ATP6V0E2: variants seen among roughly 807,000 people sequenced by gnomAD.
ATP6V0E2 encodes the protein V-type proton ATPase subunit e 2.
In ATP6V0E2, 4 loss-of-function variants were observed where a neutral mutation model predicts 11.5. The ratio of observed to expected loss-of-function variants is 0.35; its 90% CI spans 0.17 to 0.80. ATP6V0E2 has a LOEUF of 0.80. Among genes scored for constraint, ATP6V0E2 ranks in the 30% least tolerant of loss-of-function variants. The probability of loss-of-function intolerance (pLI) is 0.53; values close to 1 mark genes in which losing one functional copy is unlikely to be tolerated. For synonymous variants in ATP6V0E2, 52 were observed against 51.0 expected (o/e 1.02, Z -0.09); for missense variants, 93 against 113.5 (o/e 0.82, Z 0.82).
intron 1 of ATP6V0E2, chr7:149,874,529 G>T: frequency 4.4e-6 from 1 of 229,062 alleles, no homozygotes; most frequent in Non-Finnish European, 8.5e-6. Flanking sequence ...TGGGTAAAAT[G>T]GAGATAATGT....
chr7:149,876,610 A>G (rs1803158350), intron 2 of ATP6V0E2, among the ~76,000 whole-genome samples: 1 of 152,234 alleles, frequency 6.6e-6, no homozygotes, highest in South Asian at 2.1e-4. Context: ...CCCCGCATCC[A>G]TCCCAAACCT....
upstream of ATP6V0E2, chr7:149,873,926 T>TGCGCG: frequency 6.6e-7 from 1 of 1,525,960 alleles, no homozygotes; most frequent in Non-Finnish European, 8.8e-7. Flanking sequence ...GAGATGCGCG[T>TGCGCG]GCGCGGCCCG....
In ATP6V0E2 at chr7:149,877,174, C is replaced by A. The variant is rs527303389; in HGVS notation, c.153-1504C>A. On this transcript the variant is annotated intron_variant, in intron 2 of 3. Transcript: ENST00000425642. ...CCAAGGAGCTGGGATGACAGGTGCA[C>A]ACCATTGCACCCGGCTGTTAACTAA... Among the ~76,000 whole-genome samples the A allele has an allele frequency of 3.3e-5, 5 of 152,222 alleles. No homozygotes were observed. The East Asian group carries it at 7.7e-4, about 24-fold the overall frequency.
intron 2 of ATP6V0E2, 115 bp from the exon 3 acceptor site, chr7:149,878,563 A>G (rs1803275216): frequency 1.6e-5 from 13 of 824,828 alleles, no homozygotes; most frequent in Non-Finnish European, 2.4e-5. Context: ...CCCTGGGAAC[A>G]CAGGCCCTGC....
rs11334520 is a variant in ATP6V0E2 at position 149,877,563 on chromosome 7, C to CTTT, written c.153-1102_153-1100dup. 3.6e-3 allele frequency among the ~76,000 whole-genome samples: 503 copies of CTTT among 141,256 alleles called. 4 individuals carry two copies. Among genetic ancestry groups the CTTT allele is most frequent in the African/African-American group, 0.012 (441 of 37,806 alleles). The allele number at this position is 141,256 out of a possible 152,430, so 92.7% of individuals were successfully genotyped here. A position where few individuals can be genotyped will look rare whatever the true frequency, so the allele number is the denominator to read the frequency against. On this transcript the variant is annotated intron_variant, in intron 2 of 3. Transcript: ENST00000425642. ...TAACACATGGTTTAACTTAAACCCA[C>CTTT]TTTTTTTTTTTTTTTCAAAATTCTT...
Position 149,879,536 on chromosome 7 carries a change from C to CA in ATP6V0E2, c.*221_*222insA. The CA allele has an allele frequency of 6.4e-7, 1 of 1,561,798 alleles. No homozygotes were observed. Among genetic ancestry groups the CA allele is most frequent in the Non-Finnish European group, 8.7e-7 (1 of 1,154,660 alleles). On this transcript the variant is annotated 3_prime_UTR_variant, in exon 4 of 4. Coordinates refer to ENST00000425642, the MANE Select transcript of ATP6V0E2 (RefSeq NM_145230.4). ...CCCTGGGGAGCCCTGGGCACAGCAG[C>CA]GGCCGAGGGGATGTCCTGCTCCAAT... is the stretch of plus-strand genomic sequence containing the variant.
At chr7:149,874,257 C>G in intron 1 of ATP6V0E2, 88 bp downstream of exon 1, 1 of 1,440,598 alleles carries the variant, frequency 6.9e-7, no homozygotes, top group Non-Finnish European at 9.2e-7. Context: ...CGGCTTCCTG[C>G]TCTGCAGCGA....
intron 2 of ATP6V0E2, among the ~76,000 whole-genome samples, chr7:149,877,224 C>T (rs1803202806): frequency 6.6e-6 from 1 of 152,146 alleles, no homozygotes; most frequent in South Asian, 2.1e-4. Context: ...GGGTCTTACT[C>T]TGTTGCCCAG....
At chr7:149,879,197 G>A in intron 3 of ATP6V0E2, 138 bp from the exon 4 acceptor site, 1 of 1,400,644 alleles carries the variant, frequency 7.1e-7, no homozygotes, top group Non-Finnish European at 9.2e-7. Context: ...CCTAACCTGG[G>A]CCCTAACCTG....
In ATP6V0E2 at chr7:149,874,120, C is replaced by A. The variant is rs1309607398; in HGVS notation, c.55C>A (p.Leu19Ile). The change falls in exon 1 of 4, where the codon CTC becomes ATC. Residue 19 changes from leucine to isoleucine, a missense_variant. Coordinates refer to ENST00000425642, the MANE Select transcript of ATP6V0E2 (RefSeq NM_145230.4). The stretch of plus-strand genomic sequence containing the variant: ...CATCATCTTCACCACGTTCTGGGGC[C>A]TCGTCGGCATCGCCGGGCCCTGGTT... The part of the protein sequence containing the change: ...PVIIFTTFWG[L>I]VGIAGPWFVP... The A allele has an allele frequency of 1.9e-6, 3 of 1,549,952 alleles. No individual in the cohort carries two copies. The highest frequency in any genetic ancestry group is 2.0e-5 in the Admixed American group (1 of 50,996).
rs1341589096 is a variant in ATP6V0E2, at chr7:149,875,581, GTCC to G, written c.105-14_105-12del. 1 of 1,613,596 alleles carries G rather than the reference GTCC, an allele frequency of 6.2e-7. No homozygotes were observed. The highest frequency in any genetic ancestry group is 8.5e-7 in the Non-Finnish European group (1 of 1,179,796). On this transcript the variant is annotated splice_polypyrimidine_tract_variant and intron_variant, in intron 1 of 3. Transcript: ENST00000425642. ...GCTGGCTGCATTTGTTCTGACCCGT[GTCC>G]TCTTCTGCTGCAGAGTGATCATCAC...
At chr7:149,875,513 C>G in intron 1 of ATP6V0E2, 85 bp from the exon 2 acceptor site, 1 of 1,355,628 alleles carries the variant, frequency 7.4e-7, no homozygotes, top group Non-Finnish European at 1.1e-6. Flanking sequence ...GAGCTCACAC[C>G]AGGAGCTCTT....
intron 2 of ATP6V0E2, among the ~76,000 whole-genome samples, chr7:149,876,663 CA>C (rs984698789): frequency 2.6e-5 from 4 of 152,210 alleles, no homozygotes; most frequent in African/African-American, 9.6e-5. Context: ...GGCTGCCAAC[CA>C]AGAGATAAGT....
In ATP6V0E2 at chr7:149,879,630, T is replaced by G. The variant is rs1586104155; in HGVS notation, c.*315T>G. The G allele has an allele frequency of 6.8e-7, 1 of 1,463,704 alleles. No homozygotes were observed. The highest frequency in any genetic ancestry group is 9.0e-7 in the Non-Finnish European group (1 of 1,105,104). The allele number at this position is 1,463,704 out of a possible 1,614,324, so 90.7% of individuals were successfully genotyped here. A position where few individuals can be genotyped will look rare whatever the true frequency, so the allele number is the denominator to read the frequency against. ...TGCTGGGGAGCTGGTATGGGTGGGG[T>G]CTTTCCCTTTACAGACGGGGCAGAT... is the stretch of plus-strand genomic sequence containing the variant. On this transcript the variant is annotated 3_prime_UTR_variant, in exon 4 of 4. Coordinates refer to ENST00000425642, the MANE Select transcript of ATP6V0E2 (RefSeq NM_145230.4).
intron 1 of ATP6V0E2, 37 bp from the exon 2 acceptor site, chr7:149,875,560 GC>G: frequency 6.2e-7 from 1 of 1,611,962 alleles, no homozygotes; most frequent in South Asian, 1.1e-5. Flanking sequence ...TGAGGTGCTG[GC>G]TGCATTTGTT....
At chr7:149,874,904 G>C (rs1014979942) in intron 1 of ATP6V0E2, 2 of 153,636 alleles carry the variant, frequency 1.3e-5, no homozygotes, top group African/African-American at 4.8e-5. Context: ...GTTTGGATTA[G>C]AGTTAGCTTT....
At chr7:149,875,163 C>A in intron 1 of ATP6V0E2, 1 of 204,666 alleles carries the variant, frequency 4.9e-6, no homozygotes, top group Non-Finnish European at 1.0e-5. Flanking sequence ...GGCCTCAGAA[C>A]TGGCTCACAG....
chr7:149,875,718 T>C, intron 2 of ATP6V0E2, 73 bp downstream of exon 2: 1 of 1,436,438 alleles, frequency 7.0e-7, no homozygotes, highest in Non-Finnish European at 9.7e-7. Flanking sequence ...CACCCTAGCC[T>C]GCTCTTCCTT....
At chr7:149,879,241 T>C (rs1435229208) in intron 3 of ATP6V0E2, 94 bp from the exon 4 acceptor site, 1 of 1,408,282 alleles carries the variant, frequency 7.1e-7, no homozygotes, top group East Asian at 2.7e-5. Context: ...CTGAGGACTA[T>C]CTGGGCAGGG....
Sources: allele counts gnomAD v4.1 joint callset (sites outside exome capture counted in the v4.1 genomes callset), GRCh38; gene constraint gnomAD v4.1.1; transcripts MANE v1.5; gene names NCBI Gene and HGNC (gene_info 2026-07-23, HGNC 2026-07-21).